The following CSMD3 variants were observed in gnomAD, a reference collection of about 807,000 sequenced individuals.
The protein encoded by CSMD3 is CUB and sushi domain-containing protein 3.
In CSMD3, 177 loss-of-function variants were observed where a neutral mutation model predicts 435.2. That is an observed-to-expected ratio of 0.41 (90% CI 0.36 to 0.46). CSMD3 has a LOEUF of 0.46. Among genes scored for constraint, CSMD3 ranks in the 20% least tolerant of loss-of-function variants. CSMD3 has a pLI of 0.34. For missense variants in CSMD3, 4,265 were observed against 4,504.6 expected (o/e 0.95, Z 1.52); for synonymous variants, 1,656 against 1,520.5 (o/e 1.09, Z -2.07).
At chr8:112,241,644 A>G (rs1814156658) in intron 66 of CSMD3, 76 bp downstream of exon 66, 2 of 932,590 alleles carry the variant, frequency 2.1e-6, no homozygotes, top group Non-Finnish European at 3.5e-6. Context: ...TTTTAAATAC[A>G]CAGTTACTAT....
intron 3 of CSMD3, among the ~76,000 whole-genome samples, chr8:113,230,103 C>A (rs1160162165): frequency 6.6e-6 from 1 of 150,444 alleles, no homozygotes; most frequent in Non-Finnish European, 1.5e-5. Flanking sequence ...GTTCTGGGTA[C>A]TTTGGTTTCT....
intron 31 of CSMD3, among the ~76,000 whole-genome samples, chr8:112,473,559 T>C (rs968447559): frequency 1.3e-5 from 2 of 152,182 alleles, no homozygotes; most frequent in South Asian, 2.1e-4. Flanking sequence ...GAAATTATTA[T>C]CCTGGGGGTC....
chr8:112,339,982 A>G (rs1310400990), intron 42 of CSMD3, among the ~76,000 whole-genome samples: 1 of 152,198 alleles, frequency 6.6e-6, no homozygotes, highest in Non-Finnish European at 1.5e-5. Flanking sequence ...TAGGTCAATA[A>G]TGAATTGTTT....
At chr8:113,221,475 A>G (rs999613945) in intron 3 of CSMD3, among the ~76,000 whole-genome samples, 1 of 151,042 alleles carries the variant, frequency 6.6e-6, no homozygotes, top group African/African-American at 2.4e-5. Flanking sequence ...TATTTTTTTC[A>G]TGTTTTTATT....
rs541027975 is a variant in CSMD3 at position 112,946,760 on chromosome 8, T to C, written c.1508+1030A>G. 9.2e-5 allele frequency among the ~76,000 whole-genome samples: 14 copies of C among 151,782 alleles called. No individual in the cohort carries two copies. The South Asian group carries it at 1.7e-3, about 18-fold the overall frequency. The stretch of plus-strand genomic sequence containing the variant: ...GTTCCTTCAAATATTATTATCTGTA[T>C]TAAGTTTCGAGCGTGGTTAAAGTTA... On this transcript the variant is annotated intron_variant, in intron 9 of 70. Coordinates refer to ENST00000297405, the MANE Select transcript of CSMD3 (RefSeq NM_198123.2).
rs551184146 is a variant in CSMD3 at position 113,320,102 on chromosome 8, G to C, written c.179-5309C>G. ...CAAAATACAGAAAGTATTATGATTTGGGTGTGCACACTTTGCTATGAGAAC... is the reference window on the plus strand; with the variant it reads ...CAAAATACAGAAAGTATTATGATTTCGGTGTGCACACTTTGCTATGAGAAC... On this transcript the variant is annotated intron_variant, in intron 1 of 70. Coordinates refer to ENST00000297405, the MANE Select transcript of CSMD3 (RefSeq NM_198123.2). Among the ~76,000 whole-genome samples the C allele has an allele frequency of 2.7e-4, 41 of 152,064 alleles. 1 individual carries two copies. The South Asian group carries it at 8.1e-3, about 30-fold the overall frequency.
At chr8:112,245,407 G>A (rs1457207716) in intron 64 of CSMD3, among the ~76,000 whole-genome samples, 1 of 152,024 alleles carries the variant, frequency 6.6e-6, no homozygotes, top group Non-Finnish European at 1.5e-5. Flanking sequence ...TCTGAAAAAA[G>A]TGTTCTGTGG....
chr8:112,375,474 C>T (rs945339324), intron 38 of CSMD3, among the ~76,000 whole-genome samples: 3 of 152,028 alleles, frequency 2.0e-5, no homozygotes, highest in Non-Finnish European at 4.4e-5. Context: ...TTATTGATTT[C>T]CCTCAGGAAG....
intron 2 of CSMD3, among the ~76,000 whole-genome samples, chr8:113,296,301 A>ATAATAAT (rs1199574593): frequency 6.7e-6 from 1 of 150,324 alleles, no homozygotes; most frequent in Non-Finnish European, 1.5e-5. Flanking sequence ...TATAATAATA[A>ATAATAAT]TAATAATAAT....
chr8:112,579,756 A>G (rs1830209210), intron 23 of CSMD3, among the ~76,000 whole-genome samples: 1 of 152,070 alleles, frequency 6.6e-6, no homozygotes, highest in Admixed American at 6.6e-5. Context: ...ACAACAGGTT[A>G]ATAACTTTAT....
chr8:112,739,258 T>C (rs2077251211), intron 13 of CSMD3, among the ~76,000 whole-genome samples: 1 of 151,714 alleles, frequency 6.6e-6, no homozygotes, highest in South Asian at 2.1e-4. Context: ...CTCCTTAATA[T>C]CTTGTGTTTT....
intron 5 of CSMD3, among the ~76,000 whole-genome samples, chr8:113,061,753 TA>T (rs1009505891): frequency 5.0e-4 from 76 of 150,730 alleles, no homozygotes; most frequent in African/African-American, 1.6e-3. Flanking sequence ...CATAGGTTAA[TA>T]AAAAAAAAGT....
intron 45 of CSMD3, among the ~76,000 whole-genome samples, chr8:112,334,615 T>G (rs1179490408): frequency 6.6e-6 from 1 of 152,176 alleles, no homozygotes; most frequent in African/African-American, 2.4e-5. Context: ...ATGTAATCAT[T>G]ATAGATAAAT....
At chr8:112,628,691 C>A (rs534338103) in intron 22 of CSMD3, among the ~76,000 whole-genome samples, 1 of 152,026 alleles carries the variant, frequency 6.6e-6, no homozygotes, top group Non-Finnish European at 1.5e-5. Context: ...TTTCTATATG[C>A]TAAACACTGT....
intron 45 of CSMD3, among the ~76,000 whole-genome samples, chr8:112,321,172 A>G (rs1353931343): frequency 1.3e-5 from 2 of 152,088 alleles, no homozygotes; most frequent in African/African-American, 4.8e-5. Flanking sequence ...ATTGTTTTAT[A>G]TGCCTATTTT....
chr8:112,650,841 A>G (rs559907415), intron 18 of CSMD3, among the ~76,000 whole-genome samples: 2 of 76,622 alleles, frequency 2.6e-5, no homozygotes, highest in South Asian at 8.0e-4. Context: ...GTTGTTATCA[A>G]TAGTCTCTAG....
intron 6 of CSMD3, among the ~76,000 whole-genome samples, chr8:112,986,875 A>G (rs1226931047): frequency 6.6e-6 from 1 of 152,054 alleles, no homozygotes; most frequent in Non-Finnish European, 1.5e-5. Context: ...TATAAAATGG[A>G]AAGTAAAAAA....
At chr8:112,627,226 A>T (rs1834550279) in intron 22 of CSMD3, among the ~76,000 whole-genome samples, 1 of 152,110 alleles carries the variant, frequency 6.6e-6, no homozygotes, top group Non-Finnish European at 1.5e-5. Flanking sequence ...GAGGTCTATT[A>T]TAGTTTTTCT....
chr8:113,316,650 A>G (rs1405394521), intron 1 of CSMD3, among the ~76,000 whole-genome samples: 1 of 151,712 alleles, frequency 6.6e-6, no homozygotes, highest in Non-Finnish European at 1.5e-5. Context: ...CCTGGGTTCA[A>G]GTGATTCTCC....
Sources: allele counts gnomAD v4.1 joint callset (sites outside exome capture counted in the v4.1 genomes callset), GRCh38; gene constraint gnomAD v4.1.1; transcripts MANE v1.5; gene names NCBI Gene and HGNC (gene_info 2026-07-23, HGNC 2026-07-21).